Variants in PNPLA7 observed in about 807,000 individuals in gnomAD.
The protein encoded by PNPLA7 is patatin like domain 7, lysophospholipase, also known as patatin-like phospholipase domain-containing protein 7.
Under a neutral mutation model 161.7 loss-of-function variants are expected in PNPLA7, and 153 were observed. That is an observed-to-expected ratio of 0.95 (90% CI 0.83 to 1.08). The LOEUF (loss-of-function observed/expected upper bound fraction) is 1.08. PNPLA7 is among the 50% of genes least tolerant of loss of function. The pLI, the probability that PNPLA7 is intolerant of heterozygous loss-of-function variation, is 0.00. For missense variants in PNPLA7, 1,739 were observed against 1,856.6 expected (o/e 0.94, Z 1.16); for synonymous variants, 809 against 782.1 (o/e 1.03, Z -0.57).
intron 25 of PNPLA7, among the ~76,000 whole-genome samples, chr9:137,474,970 G>A (rs1020476311): frequency 1.8e-5 from 2 of 111,256 alleles, no homozygotes; most frequent in Non-Finnish European, 3.1e-5. Flanking sequence ...GCAGGGAGCC[G>A]AGCCGAGATC....
intron 25 of PNPLA7, among the ~76,000 whole-genome samples, chr9:137,471,784 T>A (rs1231012688): frequency 1.3e-5 from 2 of 151,964 alleles, no homozygotes; most frequent in Non-Finnish European, 2.9e-5. Context: ...AGGCTCAATG[T>A]TGTCGACTAA....
chr9:137,467,695 C>T lies in PNPLA7; in HGVS notation c.2883-222G>A, dbSNP rs1831542049. Among the ~76,000 whole-genome samples the T allele has an allele frequency of 1.3e-5, 2 of 152,176 alleles. No homozygotes were observed. Among genetic ancestry groups the T allele is most frequent in the African/African-American group, 4.8e-5 (2 of 41,418 alleles). On this transcript the variant is annotated intron_variant, in intron 25 of 34. Transcript: ENST00000406427. This position sits in a 1 kb window ranked among gnomAD's most constrained non-coding sequence, Gnocchi z 5.1. ...GGCAGATCACTTGAGGCCAGGAGTTCGAGACCAGCCTGGCCAACAGGGCAA... is the reference window on the plus strand; with the variant it reads ...GGCAGATCACTTGAGGCCAGGAGTTTGAGACCAGCCTGGCCAACAGGGCAA...
chr9:137,521,584 G>C (rs1834992846), intron 10 of PNPLA7, 52 bp downstream of exon 10: 2 of 1,574,252 alleles, frequency 1.3e-6, no homozygotes, highest in African/African-American at 1.4e-5. Flanking sequence ...TAGCTGTCCC[G>C]ATGCCAGCTG....
intron 21 of PNPLA7, 89 bp downstream of exon 21, chr9:137,484,498 G>C (rs977026716): frequency 7.2e-7 from 1 of 1,391,314 alleles, no homozygotes; most frequent in Non-Finnish European, 9.5e-7. Context: ...CCACCGCCGC[G>C]TCCCCTCGAA....
chr9:137,511,169 G>A (rs1187761770), intron 12 of PNPLA7, among the ~76,000 whole-genome samples: 2 of 152,116 alleles, frequency 1.3e-5, no homozygotes, highest in Non-Finnish European at 2.9e-5. Flanking sequence ...TGGTCTGGCG[G>A]TAGCACCAGC....
chr9:137,522,932 G>T (rs1243932363), intron 8 of PNPLA7, 75 bp from the exon 9 acceptor site: 5 of 1,583,046 alleles, frequency 3.2e-6, no homozygotes, highest in Non-Finnish European at 4.3e-6. Context: ...GCTCCTGGAA[G>T]CCCTGGAGGA....
chr9:137,509,197 TG>T (rs1335825730), intron 12 of PNPLA7: 3 of 154,120 alleles, frequency 1.9e-5, no homozygotes, highest in Non-Finnish European at 4.4e-5. Context: ...TGAGTTTAAC[TG>T]GTATGAGTGA....
intron 21 of PNPLA7, among the ~76,000 whole-genome samples, chr9:137,483,034 G>A (rs1251129545): frequency 6.6e-6 from 1 of 152,030 alleles, no homozygotes; most frequent in Non-Finnish European, 1.5e-5. Flanking sequence ...CAACAAGCCT[G>A]GCTAATTTTT....
At chr9:137,492,987 G>GC (rs1564307044) in intron 20 of PNPLA7, 26 bp downstream of exon 20, 1 of 1,606,508 alleles carries the variant, frequency 6.2e-7, no homozygotes. Context: ...CTCCCAGGAG[G>GC]CTCTGGGTTG....
chr9:137,489,048 A>G (rs1588582540), intron 20 of PNPLA7, among the ~76,000 whole-genome samples: 1 of 135,198 alleles, frequency 7.4e-6, no homozygotes, highest in Non-Finnish European at 1.6e-5. Context: ...CCCGCTGACC[A>G]GCAGACATCC....
intron 8 of PNPLA7, among the ~76,000 whole-genome samples, chr9:137,533,681 T>C (rs1285479697): frequency 1.4e-5 from 2 of 140,148 alleles, no homozygotes; most frequent in Non-Finnish European, 3.0e-5. Flanking sequence ...GACTCCTGAG[T>C]GTCCACTCCA....
chr9:137,486,938 C>T lies in PNPLA7; in HGVS notation c.2198-2202G>A, dbSNP rs576796575. Among the ~76,000 whole-genome samples, 5 of 152,200 alleles carry T rather than the reference C, an allele frequency of 3.3e-5. No individual in the cohort carries two copies. The highest frequency in any genetic ancestry group is 4.1e-4 in the South Asian group (2 of 4,820). On this transcript the variant is annotated intron_variant, in intron 20 of 34. Coordinates refer to ENST00000406427, the MANE Select transcript of PNPLA7 (RefSeq NM_001098537.3). This position sits in a 1 kb window ranked among gnomAD's most constrained non-coding sequence, Gnocchi z 6.0. ...TCCTGGCCCCAAGGGTCCTGACCTC[C>T]TCAGGGAGCGCTGCCCCACCACCTG...
intron 8 of PNPLA7, among the ~76,000 whole-genome samples, chr9:137,533,748 C>A (rs1211182607): frequency 6.7e-6 from 1 of 150,334 alleles, no homozygotes; most frequent in Non-Finnish European, 1.5e-5. Context: ...AGGAGGGCTC[C>A]CAGAATCCTC....
chr9:137,469,220 C>T (rs899708999), intron 25 of PNPLA7, among the ~76,000 whole-genome samples: 5 of 152,156 alleles, frequency 3.3e-5, no homozygotes, highest in Non-Finnish European at 4.4e-5. Context: ...TGGTAAAATA[C>T]AAGATGGGTC....
intron 21 of PNPLA7, among the ~76,000 whole-genome samples, chr9:137,482,696 G>A (rs1180090258): frequency 6.6e-6 from 1 of 152,238 alleles, no homozygotes; most frequent in Non-Finnish European, 1.5e-5. Context: ...AGGAGGGCAC[G>A]GACGGGCTGC....
rs1831962279 is a variant in PNPLA7 at position 137,476,887 on chromosome 9, T to C, written c.2882+1147A>G. On this transcript the variant is annotated intron_variant, in intron 25 of 34. Coordinates refer to ENST00000406427, the MANE Select transcript of PNPLA7 (RefSeq NM_001098537.3). The surrounding 1 kb of genome is among the most constrained non-coding windows in gnomAD (Gnocchi z 4.5). ...ATGTGGCACAAGACAAGGTGGAAAG[T>C]CCCTTAGACAGAAGGATGCAGTGGG... Among the ~76,000 whole-genome samples the C allele has an allele frequency of 6.6e-6, 1 of 152,104 alleles. No individual in the cohort carries two copies. The highest frequency in any genetic ancestry group is 6.5e-5 in the Admixed American group (1 of 15,282).
At chr9:137,473,700 G>A (rs145863418) in intron 25 of PNPLA7, among the ~76,000 whole-genome samples, 216 of 152,330 alleles carry the variant, frequency 1.4e-3, no homozygotes, top group Non-Finnish European at 2.4e-3. Flanking sequence ...TCATGAACAG[G>A]TGTTCTACGT....
In PNPLA7 at chr9:137,524,538, T is replaced by C. The variant is rs113443565; in HGVS notation, c.748-1681A>G. Among the ~76,000 whole-genome samples the C allele has an allele frequency of 4.6e-5, 7 of 152,234 alleles. No homozygotes were observed. Among genetic ancestry groups the C allele is most frequent in the African/African-American group, 1.7e-4 (7 of 41,462 alleles). ...TGCTTGATAAATATGCATCTCCCAG[T>C]GTTTGCGTGGACACAGTTCTCATCC... is the stretch of plus-strand genomic sequence containing the variant. On this transcript the variant is annotated intron_variant, in intron 8 of 34. Transcript: ENST00000406427. This position sits in a 1 kb window ranked among gnomAD's most constrained non-coding sequence, Gnocchi z 4.4.
At chr9:137,532,096 T>C (rs1056143284) in intron 8 of PNPLA7, among the ~76,000 whole-genome samples, 7 of 152,186 alleles carry the variant, frequency 4.6e-5, no homozygotes, top group African/African-American at 1.7e-4. Flanking sequence ...CGGTATTTTG[T>C]AACAACTTTA....
Sources: allele counts gnomAD v4.1 joint callset (sites outside exome capture counted in the v4.1 genomes callset), GRCh38; gene constraint gnomAD v4.1.1; non-coding constraint Gnocchi (gnomAD v3.1); transcripts MANE v1.5; gene names NCBI Gene and HGNC (gene_info 2026-07-23, HGNC 2026-07-21).